RANBP2: variants seen among roughly 807,000 people sequenced by gnomAD.
RANBP2 encodes the protein RAN binding protein 2.
RANBP2 carries 57 observed loss-of-function variants against 303.6 expected under a neutral mutation model. The ratio of observed to expected loss-of-function variants is 0.19; its 90% CI spans 0.15 to 0.23. The LOEUF (loss-of-function observed/expected upper bound fraction) is 0.23, where lower values mean the gene tolerates loss of function less well. Among genes scored for constraint, RANBP2 ranks in the 10% least tolerant of loss-of-function variants. The probability of loss-of-function intolerance (pLI) is 1.00; values close to 1 mark genes in which losing one functional copy is unlikely to be tolerated. For missense variants in RANBP2, 3,138 were observed against 3,780.8 expected (o/e 0.83, Z 4.46); for synonymous variants, 1,167 against 1,301.5 (o/e 0.90, Z 2.23).
At chr2:109,602,328 T>C in the RANBP2 span, among the ~76,000 whole-genome samples, 4,017 of 152,148 alleles carry the variant, frequency 0.026, 82 homozygotes, top group Non-Finnish European at 0.039. Context: ...GACAATAAAA[T>C]TGCATCTTAT....
At chr2:109,117,392 T>C in the RANBP2 span, among the ~76,000 whole-genome samples, 1 of 152,188 alleles carries the variant, frequency 6.6e-6, no homozygotes, top group Non-Finnish European at 1.5e-5. Context: ...CTCAGACAGC[T>C]GTGCTAGCAA....
the RANBP2 span, among the ~76,000 whole-genome samples, chr2:109,639,471 C>A: frequency 2.0e-5 from 3 of 151,764 alleles, no homozygotes; most frequent in Non-Finnish European, 4.4e-5. Flanking sequence ...ATACAAAAAT[C>A]AGCTGGGTGT....
At chr2:109,678,180 C>T in the RANBP2 span, among the ~76,000 whole-genome samples, 1 of 152,236 alleles carries the variant, frequency 6.6e-6, no homozygotes, top group Admixed American at 6.5e-5. Context: ...CCTATTTCAG[C>T]TAAAAGCAGG....
the RANBP2 span, among the ~76,000 whole-genome samples, chr2:109,070,177 AG>A: frequency 6.6e-6 from 1 of 152,122 alleles, no homozygotes; most frequent in East Asian, 1.9e-4. Context: ...AGAGTGAGTG[AG>A]GGGGAACAAA....
At chr2:109,291,521 G>T in the RANBP2 span, among the ~76,000 whole-genome samples, 6 of 152,238 alleles carry the variant, frequency 3.9e-5, no homozygotes, top group Non-Finnish European at 8.8e-5. Flanking sequence ...GAGCGCTTGT[G>T]AGATGCACAT....
At chr2:109,565,943 ATAAT>A in the RANBP2 span, 4,671 of 1,204,166 alleles carry the variant, frequency 3.9e-3, 122 homozygotes, top group African/African-American at 0.061. Context: ...AGAGAAGAGA[ATAAT>A]TAAATAACAA....
chr2:109,710,572 C>A, the RANBP2 span, among the ~76,000 whole-genome samples: 3 of 152,166 alleles, frequency 2.0e-5, no homozygotes, highest in Non-Finnish European at 4.4e-5. Context: ...GGTGCCAAAG[C>A]CTCAAGGACA....
the RANBP2 span, among the ~76,000 whole-genome samples, chr2:109,397,697 C>T: frequency 7.9e-5 from 12 of 152,314 alleles, no homozygotes; most frequent in Non-Finnish European, 1.3e-4. Flanking sequence ...GTGTAATTCA[C>T]GGACCTTCCC....
the RANBP2 span, chr2:109,574,582 T>C: frequency 4.6e-6 from 7 of 1,518,482 alleles, no homozygotes; most frequent in South Asian, 8.4e-5. Flanking sequence ...TCAACCCACC[T>C]TGCTGTCAAG....
At chr2:109,025,264 T>G in the RANBP2 span, among the ~76,000 whole-genome samples, 1 of 152,228 alleles carries the variant, frequency 6.6e-6, no homozygotes, top group African/African-American at 2.4e-5. Context: ...AAACTGTTGA[T>G]AGACTTTCAG....
the RANBP2 span, among the ~76,000 whole-genome samples, chr2:109,579,188 C>T: frequency 2.0e-5 from 3 of 152,120 alleles, no homozygotes; most frequent in African/African-American, 7.2e-5. Context: ...ATGAAATGGA[C>T]AGATTCCTGG....
the RANBP2 span, among the ~76,000 whole-genome samples, chr2:108,845,377 T>C: frequency 2.0e-5 from 3 of 152,132 alleles, no homozygotes; most frequent in Non-Finnish European, 4.4e-5. Flanking sequence ...CTAAAACTTA[T>C]CCACATTGCA....
At chr2:109,705,179 C>T in the RANBP2 span, among the ~76,000 whole-genome samples, 1 of 151,876 alleles carries the variant, frequency 6.6e-6, no homozygotes, top group East Asian at 1.9e-4. Context: ...CTGAGGCGGG[C>T]GGATCCCCTG....
rs540410050 is a variant in RANBP2, at chr2:108,782,122, T to C, written c.8761-6T>C. The C allele has an allele frequency of 1.2e-6, 2 of 1,613,852 alleles. No individual in the cohort carries two copies. Among genetic ancestry groups the C allele is most frequent in the South Asian group, 2.2e-5 (2 of 91,058 alleles). ...AGCTTATAGAGAATTTCATCTCCTA[T>C]TATAGGTAGAAGTAAAATCTGGAGA... On this transcript the variant is annotated splice_polypyrimidine_tract_variant and splice_region_variant and intron_variant, in intron 26 of 28. Transcript: ENST00000283195.
In RANBP2 at chr2:108,783,866, C is replaced by G; in HGVS notation, c.9640C>G (p.Arg3214Gly). 6.2e-7 allele frequency: 1 copy of G among 1,612,854 alleles called. No individual in the cohort carries two copies. Among genetic ancestry groups the G allele is most frequent in the East Asian group, 2.2e-5 (1 of 44,812 alleles). The change falls in exon 29 of 29, where the codon CGA becomes GGA. Residue 3214 changes from arginine (R) to glycine (G), a missense_variant. By Grantham distance (125) the Arg-to-Gly change is moderately radical (BLOSUM62 -2). Around this residue, in one of 20 missense-constraint regions of RANBP2, gnomAD observed 22 missense variants for 48.8 expected, o/e 0.45. Coordinates refer to ENST00000283195, the MANE Select transcript of RANBP2 (RefSeq NM_006267.5). ...TGGTTCTCCCAAAGGGTCTGTTTGTCGAAGAATAACTATCACAGAATGTGG... is the reference window on the plus strand; with the variant it reads ...TGGTTCTCCCAAAGGGTCTGTTTGTGGAAGAATAACTATCACAGAATGTGG... ...SFGSPKGSVC[R>G]RITITECGQI
At chr2:109,011,159 G>T in the RANBP2 span, among the ~76,000 whole-genome samples, 2 of 152,090 alleles carry the variant, frequency 1.3e-5, no homozygotes, top group Non-Finnish European at 2.9e-5. Context: ...TTTTGCGTTA[G>T]ATCCCATTTT....
chr2:109,660,591 T>C, the RANBP2 span, among the ~76,000 whole-genome samples: 3 of 152,204 alleles, frequency 2.0e-5, no homozygotes, highest in African/African-American at 7.2e-5. Flanking sequence ...AGGCATCAAG[T>C]AGTCCCCATG....
the RANBP2 span, among the ~76,000 whole-genome samples, chr2:109,496,693 A>G: frequency 6.6e-6 from 1 of 152,098 alleles, no homozygotes; most frequent in Non-Finnish European, 1.5e-5. Context: ...CTGATCCATT[A>G]TGTGTGTGGT....
chr2:109,039,985 T>C, the RANBP2 span, among the ~76,000 whole-genome samples: 7 of 152,314 alleles, frequency 4.6e-5, no homozygotes, highest in Admixed American at 3.3e-4. Flanking sequence ...ATGGTCTAAT[T>C]TGTCAGTCTT....
Sources: allele counts gnomAD v4.1 joint callset (sites outside exome capture counted in the v4.1 genomes callset), GRCh38; gene constraint gnomAD v4.1.1; regional missense constraint gnomAD v4.1.1; transcripts MANE v1.5; gene names NCBI Gene and HGNC (gene_info 2026-07-23, HGNC 2026-07-21).